MACIR: variants seen among roughly 807,000 people sequenced by gnomAD.
MACIR encodes macrophage immunometabolism regulator.
Under a neutral mutation model 14.3 loss-of-function variants are expected in MACIR, and 4 were observed. The ratio of observed to expected loss-of-function variants is 0.28; its 90% CI spans 0.14 to 0.64. The LOEUF (loss-of-function observed/expected upper bound fraction) is 0.64, where lower values mean the gene tolerates loss of function less well. Ranked by LOEUF, MACIR falls within the 30% of genes least tolerant of loss-of-function variation. The probability of loss-of-function intolerance (pLI) is 0.83; values close to 1 mark genes in which losing one functional copy is unlikely to be tolerated. For missense variants in MACIR, 228 were observed against 257.6 expected (o/e 0.89, Z 0.79); for synonymous variants, 101 against 102.4 (o/e 0.99, Z 0.08).
chr5:103,260,579 AAC>A (rs1324511108), intron 1 of MACIR, among the ~76,000 whole-genome samples: 4 of 152,256 alleles, frequency 2.6e-5, no homozygotes, highest in South Asian at 2.1e-4. Context: ...TGCTTTTGCT[AAC>A]AGTTTATTTA....
intron 1 of MACIR, among the ~76,000 whole-genome samples, chr5:103,263,386 T>A (rs889727982): frequency 6.6e-6 from 1 of 152,160 alleles, no homozygotes; most frequent in Non-Finnish European, 1.5e-5. Flanking sequence ...GGCTTGGCAC[T>A]GGCATAATAG....
rs537296683 is a variant in MACIR, at chr5:103,277,642, A to C, written c.*1102A>C. The C allele has an allele frequency of 1.8e-5, 3 of 167,170 alleles. No individual in the cohort carries two copies. The highest frequency in any genetic ancestry group is 7.2e-5 in the African/African-American group (3 of 41,574). 10.4% of individuals were successfully genotyped at this position (167,170 alleles called of 1,614,324 possible). On this transcript the variant is annotated 3_prime_UTR_variant, in exon 3 of 3. Transcript: ENST00000319933. ...ATGGGTTAATCCTGGATTACTTAAC[A>C]ATTTATGTCAATTGCACTGGTTTAA... is the stretch of plus-strand genomic sequence containing the variant.
chr5:103,275,953 A>G lies in MACIR; in HGVS notation c.34A>G (p.Thr12Ala). 1 of 1,613,772 alleles carries G rather than the reference A, an allele frequency of 6.2e-7. No homozygotes were observed. The highest frequency in any genetic ancestry group is 8.5e-7 in the Non-Finnish European group (1 of 1,179,988). Residue 12 changes from threonine to alanine, a missense_variant, in exon 3 of 3, where the codon ACC becomes GCC. Coordinates refer to ENST00000319933, the MANE Select transcript of MACIR (RefSeq NM_033211.4). ...EVDINGESRS[T>A]LTTLPFPGAE... Reference sequence around the variant, plus strand: ...CGATATTAATGGAGAGTCTAGAAGTACCCTGACCACCTTGCCCTTCCCTGG... The same window carrying G: ...CGATATTAATGGAGAGTCTAGAAGTGCCCTGACCACCTTGCCCTTCCCTGG...
chr5:103,258,995 C>G (rs1248170837), intron 1 of MACIR, 99 bp downstream of exon 1: 1 of 152,630 alleles, frequency 6.6e-6, no homozygotes, highest in African/African-American at 2.4e-5. Context: ...GCCCCAGGCT[C>G]CGATCCCCAG....
intron 1 of MACIR, among the ~76,000 whole-genome samples, chr5:103,263,687 T>C (rs1199584767): frequency 1.1e-4 from 17 of 152,224 alleles, no homozygotes; most frequent in African/African-American, 3.9e-4. Flanking sequence ...AACTATTCTT[T>C]AGGATTAAGA....
Position 103,276,457 on chromosome 5 carries a change from C to G in MACIR, c.538C>G (p.Pro180Ala), listed in dbSNP as rs1554237749. The G allele has an allele frequency of 6.2e-7, 1 of 1,613,916 alleles. No homozygotes were observed. The highest frequency in any genetic ancestry group is 2.2e-5 in the East Asian group (1 of 44,880). ...CAATCTAGATAAAATGATCAAGGAG[C>G]CAGCTGATACAGAAGTGCTACAGTA... ...YLNLDKMIKE[P>A]ADTEVLQYQL... The change falls in exon 3 of 3, where the codon CCA becomes GCA. Residue 180 changes from proline to alanine, a missense_variant. Pro to Ala is a conservative substitution (Grantham distance 27, BLOSUM62 -1). Transcript: ENST00000319933.
chr5:103,272,871 A>G (rs1554237236), intron 2 of MACIR, among the ~76,000 whole-genome samples: 1 of 152,170 alleles, frequency 6.6e-6, no homozygotes, highest in Non-Finnish European at 1.5e-5. Flanking sequence ...ATGAGCTGTT[A>G]GTTTTGAGAA....
chr5:103,274,012 T>C (rs1346463557), intron 2 of MACIR, among the ~76,000 whole-genome samples: 2 of 152,032 alleles, frequency 1.3e-5, no homozygotes, highest in Admixed American at 6.5e-5. Flanking sequence ...TCAATGGCCC[T>C]GGTTATTTTT....
intron 1 of MACIR, among the ~76,000 whole-genome samples, chr5:103,260,702 G>C (rs1415174920): frequency 6.6e-6 from 1 of 152,054 alleles, no homozygotes; most frequent in Non-Finnish European, 1.5e-5. Flanking sequence ...GTGTATTTTA[G>C]AGAGCTATTA....
At chr5:103,260,079 G>T (rs376127414) in intron 1 of MACIR, among the ~76,000 whole-genome samples, 3 of 119,770 alleles carry the variant, frequency 2.5e-5, no homozygotes, top group Non-Finnish European at 3.7e-5. Context: ...GTGTGTGTTT[G>T]TGTGTGTGTG....
At chr5:103,264,864 C>A (rs535233768) in intron 1 of MACIR, among the ~76,000 whole-genome samples, 61 of 152,048 alleles carry the variant, frequency 4.0e-4, no homozygotes, top group African/African-American at 1.4e-3. Context: ...TTTTTTCTTG[C>A]AGTTTGTCTT....
chr5:103,275,880 A>G lies in MACIR; in HGVS notation c.-23-17A>G. On this transcript the variant is annotated splice_polypyrimidine_tract_variant and intron_variant, in intron 2 of 2. Transcript: ENST00000319933. ...CTGTGCATTATATTCTTCTAATCTA[A>G]GTCTGTTTACTTTTAGGATTGTGCA... 4 of 1,575,860 alleles carry G rather than the reference A, an allele frequency of 2.5e-6. No individual in the cohort carries two copies. Among genetic ancestry groups the G allele is most frequent in the Non-Finnish European group, 3.4e-6 (4 of 1,159,802 alleles).
intron 2 of MACIR, among the ~76,000 whole-genome samples, chr5:103,269,895 A>G (rs1010447701): frequency 1.3e-5 from 2 of 152,104 alleles, no homozygotes; most frequent in Non-Finnish European, 2.9e-5. Flanking sequence ...ATGAAATGTT[A>G]TCTTTCCTTT....
rs781987839 is a variant in MACIR, at chr5:103,276,063, G to A, written c.144G>A (p.Val48=). The A allele has an allele frequency of 2.5e-6, 4 of 1,613,980 alleles. No individual in the cohort carries two copies. The Admixed American group carries it at 6.7e-5, about 27-fold the overall frequency. ...STPCSPMRRT[V]SGYQILHMDS... Reference sequence around the variant, plus strand: ...CCTGCTCCCCGATGCGGAGGACCGTGTCAGGCTACCAGATCCTACACATGG... The same window carrying A: ...CCTGCTCCCCGATGCGGAGGACCGTATCAGGCTACCAGATCCTACACATGG... Residue 48 remains valine, a synonymous_variant, in exon 3 of 3, where the codon GTG becomes GTA. Coordinates refer to ENST00000319933, the MANE Select transcript of MACIR (RefSeq NM_033211.4).
chr5:103,276,747 A>T lies in MACIR; in HGVS notation c.*207A>T. Reference sequence around the variant, plus strand: ...GGGGGATATCATTCTAGAGCACGCAACTGCAAAGAAAACAGAATGTTGACT... The same window carrying T: ...GGGGGATATCATTCTAGAGCACGCATCTGCAAAGAAAACAGAATGTTGACT... On this transcript the variant is annotated 3_prime_UTR_variant, in exon 3 of 3. Coordinates refer to ENST00000319933, the MANE Select transcript of MACIR (RefSeq NM_033211.4). 2.2e-6 allele frequency: 1 copy of T among 449,062 alleles called. No individual in the cohort carries two copies. The allele number at this position is 449,062 out of a possible 1,614,324, so 27.8% of individuals were successfully genotyped here.
At chr5:103,269,806 C>G (rs1169333113) in intron 2 of MACIR, among the ~76,000 whole-genome samples, 2 of 152,086 alleles carry the variant, frequency 1.3e-5, no homozygotes, top group African/African-American at 4.8e-5. Context: ...AGCCAGAATA[C>G]TGGTATTGGG....
At chr5:103,264,411 A>G (rs782323472) in intron 1 of MACIR, among the ~76,000 whole-genome samples, 8 of 152,050 alleles carry the variant, frequency 5.3e-5, no homozygotes, top group African/African-American at 1.9e-4. Context: ...CGTTTTTAGA[A>G]CTCCTCTTTC....
chr5:103,262,903 G>T (rs575937089), intron 1 of MACIR, among the ~76,000 whole-genome samples: 2 of 152,226 alleles, frequency 1.3e-5, no homozygotes, highest in East Asian at 3.9e-4. Context: ...GAAATCTGTT[G>T]ATATCTTTCC....
At position 103,277,971 on chromosome 5, in the gene MACIR, A is replaced by G. The variant is rs946261354; in HGVS notation, c.*1431A>G. On this transcript the variant is annotated 3_prime_UTR_variant, in exon 3 of 3. Transcript: ENST00000319933. ...GTGCAATTGTGATTTTTCTTTAGCC[A>G]GAATGAATGGCAAACTCTATTTAGA... The G allele has an allele frequency of 3.6e-5, 6 of 167,044 alleles. No homozygotes were observed. The highest frequency in any genetic ancestry group is 8.8e-5 in the Non-Finnish European group (6 of 68,088). 10.3% of individuals were successfully genotyped at this position (167,044 alleles called of 1,614,324 possible).
Sources: allele counts gnomAD v4.1 joint callset (sites outside exome capture counted in the v4.1 genomes callset), GRCh38; gene constraint gnomAD v4.1.1; transcripts MANE v1.5; gene names NCBI Gene and HGNC (gene_info 2026-07-23, HGNC 2026-07-21).